The following EYS variants were observed in gnomAD, a reference collection of about 807,000 sequenced individuals.
The protein encoded by EYS is EGF-like photoreceptor maintenance factor.
Under a neutral mutation model 282.1 loss-of-function variants are expected in EYS, and 250 were observed. The observed-to-expected ratio is 0.89, with a 90% CI of 0.80 to 0.98. The LOEUF is 0.98. EYS is among the 50% of genes least tolerant of loss of function. The probability of loss-of-function intolerance (pLI) is 0.00; values close to 1 mark genes in which losing one functional copy is unlikely to be tolerated. For missense variants in EYS, 4,016 were observed against 3,709.0 expected (o/e 1.08, Z -2.15); for synonymous variants, 1,355 against 1,282.9 (o/e 1.06, Z -1.20).
intron 22 of EYS, among the ~76,000 whole-genome samples, chr6:64,766,671 T>A (rs1773360886): frequency 1.9e-4 from 18 of 96,472 alleles, no homozygotes; most frequent in Admixed American, 4.4e-4. Flanking sequence ...TATATATATA[T>A]ATATATATAT....
At chr6:64,867,696 GT>G (rs1562233858) in intron 19 of EYS, among the ~76,000 whole-genome samples, 1 of 151,550 alleles carries the variant, frequency 6.6e-6, no homozygotes, top group African/African-American at 2.4e-5. Context: ...AAACCAAGCT[GT>G]TTTTATCTCT....
intron 28 of EYS, among the ~76,000 whole-genome samples, chr6:64,433,067 GCTTGT>G (rs1774623471): frequency 1.3e-5 from 2 of 151,934 alleles, no homozygotes; most frequent in Non-Finnish European, 2.9e-5. Flanking sequence ...CTGCAGAACA[GCTTGT>G]CTTTCCTTGT....
intron 1 of EYS, among the ~76,000 whole-genome samples, chr6:65,665,439 C>T (rs141010349): frequency 1.1e-4 from 17 of 152,142 alleles, no homozygotes; most frequent in Admixed American, 4.6e-4. Flanking sequence ...CTGTGGGAAA[C>T]GATGAATTCC....
chr6:65,057,797 A>T, intron 12 of EYS, 70 bp from the exon 13 acceptor site: 1 of 1,069,508 alleles, frequency 9.4e-7, no homozygotes, highest in Non-Finnish European at 1.4e-6. Flanking sequence ...TAATTCTTAA[A>T]TTTGCACAAG....
intron 12 of EYS, among the ~76,000 whole-genome samples, chr6:65,060,226 A>G (rs903006603): frequency 2.2e-4 from 30 of 139,306 alleles, no homozygotes; most frequent in African/African-American, 7.8e-4. Context: ...ACCTACAAGG[A>G]AGACTTTTTT....
intron 12 of EYS, among the ~76,000 whole-genome samples, chr6:65,210,008 A>G (rs1203182492): frequency 1.3e-5 from 2 of 151,980 alleles, no homozygotes; most frequent in African/African-American, 4.8e-5. Context: ...GAAAACATGT[A>G]GAGCATTTTA....
chr6:63,835,482 T>C (rs1423258549), intron 36 of EYS, among the ~76,000 whole-genome samples: 3 of 152,048 alleles, frequency 2.0e-5, no homozygotes, highest in Admixed American at 2.0e-4. Context: ...AACTCAGGAA[T>C]GAAAAATCAA....
In EYS at chr6:64,154,810, A is replaced by C. The variant is rs139630461; in HGVS notation, c.6425-72808T>G. ...ACACAATTGTGTGTTCCAAGTAGAG[A>C]TATGTCATGAGGTGTGTGTTTTTTT... On this transcript the variant is annotated intron_variant, in intron 31 of 42. Coordinates refer to ENST00000503581, the MANE Select transcript of EYS (RefSeq NM_001142800.2). Among the ~76,000 whole-genome samples, 3 of 152,132 alleles carry C rather than the reference A, an allele frequency of 2.0e-5. No homozygotes were observed. The South Asian group carries it at 6.2e-4, about 32-fold the overall frequency.
At chr6:65,089,318 G>A (rs1357846027) in intron 12 of EYS, among the ~76,000 whole-genome samples, 1 of 152,182 alleles carries the variant, frequency 6.6e-6, no homozygotes, top group Non-Finnish European at 1.5e-5. Context: ...TGCTGTGCCT[G>A]CAAAGCCACA....
At chr6:64,249,101 A>G (rs1767120690) in intron 30 of EYS, among the ~76,000 whole-genome samples, 1 of 150,746 alleles carries the variant, frequency 6.6e-6, no homozygotes, top group Non-Finnish European at 1.5e-5. Context: ...CTGCACTCAT[A>G]TGTTTATCAT....
chr6:64,937,192 GT>G (rs1401666183), intron 15 of EYS, among the ~76,000 whole-genome samples: 1 of 151,318 alleles, frequency 6.6e-6, no homozygotes, highest in Admixed American at 6.6e-5. Context: ...AAAATATAAA[GT>G]TTATAGAAGA....
At chr6:64,800,682 A>G (rs1774513286) in intron 22 of EYS, among the ~76,000 whole-genome samples, 1 of 151,936 alleles carries the variant, frequency 6.6e-6, no homozygotes, top group Non-Finnish European at 1.5e-5. Flanking sequence ...AAACATTAAC[A>G]GCAGAAAAGT....
chr6:64,574,455 G>A (rs1032862583), intron 26 of EYS, among the ~76,000 whole-genome samples: 2 of 152,030 alleles, frequency 1.3e-5, no homozygotes, highest in African/African-American at 2.4e-5. Flanking sequence ...AATATTTTCA[G>A]TTAAGCTGTG....
In EYS at chr6:64,591,120, A is replaced by G. The variant is rs878958859; in HGVS notation, c.4747T>C (p.Tyr1583His). The change falls in exon 26 of 43, where the codon TAT becomes CAT. Residue 1583 changes from tyrosine to histidine, a missense_variant. Tyr to His is a moderately conservative substitution (Grantham distance 83, BLOSUM62 2). Coordinates refer to ENST00000503581, the MANE Select transcript of EYS (RefSeq NM_001142800.2). ...QVLHSKQSHF[Y>H]ETFWMNSAIL... ...GCTGAGTTCATCCAGAATGTCTCAT[A>G]AAAGTGGGACTGTTTGCTATGCAAA... The G allele has an allele frequency of 6.4e-6, 10 of 1,551,184 alleles. No homozygotes were observed. The highest frequency in any genetic ancestry group is 1.4e-5 in the African/African-American group (1 of 73,018).
intron 26 of EYS, among the ~76,000 whole-genome samples, chr6:64,442,234 T>C (rs922345158): frequency 4.6e-5 from 7 of 152,176 alleles, no homozygotes; most frequent in Non-Finnish European, 7.3e-5. Context: ...ATTTTGCCCC[T>C]GCCCCAGAGA....
intron 31 of EYS, among the ~76,000 whole-genome samples, chr6:64,138,161 A>G (rs960204342): frequency 1.4e-4 from 22 of 152,328 alleles, no homozygotes; most frequent in African/African-American, 4.6e-4. Context: ...CAGAACTTCA[A>G]TTGTACATAG....
At chr6:65,702,688 C>T (rs145939543) in intron 1 of EYS, among the ~76,000 whole-genome samples, 10 of 150,760 alleles carry the variant, frequency 6.6e-5, no homozygotes, top group South Asian at 2.1e-4. Flanking sequence ...TGAGACTCCA[C>T]GTCAAAAAAT....
chr6:64,912,817 C>T (rs778236205), intron 15 of EYS, 74 bp from the exon 16 acceptor site: 4 of 895,526 alleles, frequency 4.5e-6, no homozygotes, highest in Non-Finnish European at 6.3e-6. Flanking sequence ...TTAATTACTC[C>T]CTTGAACTAA....
chr6:64,957,070 G>T (rs760599387), intron 14 of EYS, among the ~76,000 whole-genome samples: 5 of 152,120 alleles, frequency 3.3e-5, no homozygotes, highest in Non-Finnish European at 5.9e-5. Flanking sequence ...TCCCACTGCT[G>T]GGTATACACC....
Sources: allele counts gnomAD v4.1 joint callset (sites outside exome capture counted in the v4.1 genomes callset), GRCh38; gene constraint gnomAD v4.1.1; transcripts MANE v1.5; gene names NCBI Gene and HGNC (gene_info 2026-07-23, HGNC 2026-07-21).